The following RPTOR variants were observed in gnomAD, a reference collection of about 807,000 sequenced individuals.
RPTOR encodes regulatory-associated protein of mTOR.
In RPTOR, 21 loss-of-function variants were observed where a neutral mutation model predicts 169.9. That is an observed-to-expected ratio of 0.12 (90% CI 0.09 to 0.18). The LOEUF (loss-of-function observed/expected upper bound fraction) is 0.18, where lower values mean the gene tolerates loss of function less well. Ranked by LOEUF, RPTOR falls within the 10% of genes least tolerant of loss-of-function variation. The pLI is 1.00. For synonymous variants in RPTOR, 732 were observed against 753.2 expected (o/e 0.97, Z 0.46); for missense variants, 1,133 against 1,855.9 (o/e 0.61, Z 7.16).
At chr17:80,931,945 G>T (rs1217853654) in intron 24 of RPTOR, among the ~76,000 whole-genome samples, 1 of 151,196 alleles carries the variant, frequency 6.6e-6, no homozygotes, top group Non-Finnish European at 1.5e-5. Context: ...CCAAGGGAGG[G>T]TGGGGTGGGA....
At chr17:80,755,762 AC>A (rs1331814013) in intron 6 of RPTOR, among the ~76,000 whole-genome samples, 6 of 151,298 alleles carry the variant, frequency 4.0e-5, no homozygotes, top group Non-Finnish European at 7.4e-5. Flanking sequence ...AAAAAAAGAA[AC>A]AAAAAAAGAG....
At chr17:80,612,623 CTCT>C (rs2065279327) in intron 1 of RPTOR, among the ~76,000 whole-genome samples, 1 of 152,208 alleles carries the variant, frequency 6.6e-6, no homozygotes, top group Admixed American at 6.5e-5. Flanking sequence ...GGTGTAAATA[CTCT>C]TCTTCGACTT....
intron 9 of RPTOR, among the ~76,000 whole-genome samples, chr17:80,831,552 G>A (rs755965515): frequency 2.7e-4 from 41 of 152,354 alleles, no homozygotes; most frequent in Middle Eastern, 3.4e-3. Context: ...CTTGCTGCTC[G>A]TGATGAATTT....
In RPTOR at chr17:80,855,536, G is replaced by A. The variant is rs2067842241; in HGVS notation, c.1387G>A (p.Ala463Thr). 2 of 1,612,670 alleles carry A rather than the reference G, an allele frequency of 1.2e-6. No homozygotes were observed. The highest frequency in any genetic ancestry group is 1.1e-5 in the South Asian group (1 of 91,066). ...AAGATTTTTGGACCTGGGTCCCTGG[G>A]CAGTGAGCCTGGTGCGTGCCTTCCG... is the stretch of plus-strand genomic sequence containing the variant. ...LGRFLDLGPW[A>T]VSLALSVGIF... The change falls in exon 12 of 34, where the codon GCA becomes ACA. Residue 463 changes from alanine (A) to threonine (T), a missense_variant. Ala to Thr is a moderately conservative substitution (Grantham distance 58). Around this residue, in one of 9 missense-constraint regions of RPTOR, gnomAD observed 289 missense variants for 585.8 expected, o/e 0.49. Coordinates refer to ENST00000306801, the MANE Select transcript of RPTOR (RefSeq NM_020761.3).
At chr17:80,604,237 G>A (rs942846644) in intron 1 of RPTOR, among the ~76,000 whole-genome samples, 2 of 152,234 alleles carry the variant, frequency 1.3e-5, no homozygotes, top group Non-Finnish European at 2.9e-5. Flanking sequence ...CAGGTATGTT[G>A]CAAGAAAAAA....
At chr17:80,571,388 T>C (rs1428808124) in intron 1 of RPTOR, among the ~76,000 whole-genome samples, 3 of 152,230 alleles carry the variant, frequency 2.0e-5, no homozygotes, top group African/African-American at 7.2e-5. Context: ...TAAAAACATC[T>C]GTGTGCCCCC....
At chr17:80,580,467 A>C (rs2065004550) in intron 1 of RPTOR, among the ~76,000 whole-genome samples, 1 of 152,212 alleles carries the variant, frequency 6.6e-6, no homozygotes, top group Non-Finnish European at 1.5e-5. Flanking sequence ...GCAATTAAGT[A>C]GACGCTTGAC....
chr17:80,692,466 C>T (rs1247364518), intron 3 of RPTOR, among the ~76,000 whole-genome samples: 1 of 152,152 alleles, frequency 6.6e-6, no homozygotes, highest in African/African-American at 2.4e-5. Context: ...GGATTACAGG[C>T]ACATGCCACC....
At chr17:80,687,970 G>C (rs2065961595) in intron 3 of RPTOR, among the ~76,000 whole-genome samples, 1 of 152,124 alleles carries the variant, frequency 6.6e-6, no homozygotes, top group African/African-American at 2.4e-5. Flanking sequence ...TCCCGGTACT[G>C]CCTGAAGCTT....
chr17:80,703,261 T>TAA (rs1567866060), intron 3 of RPTOR, among the ~76,000 whole-genome samples: 1 of 152,220 alleles, frequency 6.6e-6, no homozygotes, highest in Non-Finnish European at 1.5e-5. Context: ...CCTCGCCGTC[T>TAA]GGCAAGCTCT....
At chr17:80,587,850 A>G (rs2065074527) in intron 1 of RPTOR, among the ~76,000 whole-genome samples, 1 of 151,976 alleles carries the variant, frequency 6.6e-6, no homozygotes, top group South Asian at 2.1e-4. Context: ...AACTATAGTC[A>G]GCATGCTGCA....
At chr17:80,734,879 A>C (rs1483228785) in intron 5 of RPTOR, among the ~76,000 whole-genome samples, 1 of 152,206 alleles carries the variant, frequency 6.6e-6, no homozygotes, top group African/African-American at 2.4e-5. Flanking sequence ...AATATAGTAT[A>C]ACAACTACGT....
At position 80,860,414 on chromosome 17, in the gene RPTOR, G is replaced by A. The variant is rs750888156; in HGVS notation, c.1509+2514G>A. 1.3e-5 allele frequency among the ~76,000 whole-genome samples: 2 copies of A among 152,076 alleles called. No individual in the cohort carries two copies. The highest frequency in any genetic ancestry group is 2.4e-5 in the African/African-American group (1 of 41,418). On this transcript the variant is annotated intron_variant, in intron 13 of 33. Coordinates refer to ENST00000306801, the MANE Select transcript of RPTOR (RefSeq NM_020761.3). This position sits in a 1 kb window ranked among gnomAD's most constrained non-coding sequence, Gnocchi z 5.8. ...ACTGCTGTGTCTCCCACCCACAGCC[G>A]CTGCTGATTCAAGTCCAGCCCAGGC...
chr17:80,565,937 T>G (rs2084583075), intron 1 of RPTOR, among the ~76,000 whole-genome samples: 1 of 152,224 alleles, frequency 6.6e-6, no homozygotes, highest in East Asian at 1.9e-4. Context: ...TGCTCTTGCT[T>G]AGTTTTGAGT....
chr17:80,947,140 A>G lies in RPTOR; in HGVS notation c.3141-87A>G. On this transcript the variant is annotated intron_variant, in intron 26 of 33. Coordinates refer to ENST00000306801, the MANE Select transcript of RPTOR (RefSeq NM_020761.3). The surrounding 1 kb of genome is among the most constrained non-coding windows in gnomAD (Gnocchi z 4.4). ...CTGTGGTGTGTGGTTTTTTGATAGC[A>G]GCCCGGTGGGTTTCAGGAGGTATCT... 7.6e-7 allele frequency: 1 copy of G among 1,320,468 alleles called. No homozygotes were observed. The highest frequency in any genetic ancestry group is 1.0e-6 in the Non-Finnish European group (1 of 997,108). 81.8% of individuals were successfully genotyped at this position (1,320,468 alleles called of 1,614,324 possible).
chr17:80,772,141 G>A (rs1439665707), intron 6 of RPTOR, among the ~76,000 whole-genome samples: 2 of 152,152 alleles, frequency 1.3e-5, no homozygotes, highest in Admixed American at 6.5e-5. Flanking sequence ...GAGGCACCTC[G>A]GGTATCAGGG....
At chr17:80,821,444 C>T (rs554930918) in intron 7 of RPTOR, among the ~76,000 whole-genome samples, 18 of 152,148 alleles carry the variant, frequency 1.2e-4, no homozygotes, top group Non-Finnish European at 2.1e-4. Flanking sequence ...TTTTCCATTC[C>T]GAGTTACTTC....
intron 13 of RPTOR, among the ~76,000 whole-genome samples, chr17:80,865,482 G>A (rs1264753392): frequency 6.6e-6 from 1 of 152,186 alleles, no homozygotes; most frequent in African/African-American, 2.4e-5. Context: ...ACTAAGCAGA[G>A]GAAGGCTGCA....
intron 3 of RPTOR, among the ~76,000 whole-genome samples, chr17:80,685,630 T>C (rs1490683266): frequency 2.2e-5 from 1 of 46,060 alleles, no homozygotes; most frequent in African/African-American, 7.1e-5. Flanking sequence ...TATATATATT[T>C]TTTTTTTTTT....
Sources: allele counts gnomAD v4.1 joint callset (sites outside exome capture counted in the v4.1 genomes callset), GRCh38; gene constraint gnomAD v4.1.1; regional missense constraint gnomAD v4.1.1; non-coding constraint Gnocchi (gnomAD v3.1); transcripts MANE v1.5; gene names NCBI Gene and HGNC (gene_info 2026-07-23, HGNC 2026-07-21).